SMOC1: variants seen among roughly 807,000 people sequenced by gnomAD.
SMOC1 encodes the protein SPARC related modular calcium binding 1, also known as SPARC-related modular calcium-binding protein 1.
Under a neutral mutation model 56.3 loss-of-function variants are expected in SMOC1, and 22 were observed. The observed-to-expected ratio is 0.39, with a 90% CI of 0.28 to 0.56. The LOEUF (loss-of-function observed/expected upper bound fraction) is 0.56, where lower values mean the gene tolerates loss of function less well. Among genes scored for constraint, SMOC1 ranks in the 20% least tolerant of loss-of-function variants. The probability of loss-of-function intolerance (pLI) is 0.61; values close to 1 mark genes in which losing one functional copy is unlikely to be tolerated. For synonymous variants in SMOC1, 193 were observed against 215.0 expected, an observed-to-expected ratio of 0.90 and a Z score of 0.89; for missense variants, 509 against 565.4, an observed-to-expected ratio of 0.90 and a Z score of 1.01.
chr14:69,884,201 C>T (rs374833903), intron 1 of SMOC1, among the ~76,000 whole-genome samples: 8 of 152,296 alleles, frequency 5.3e-5, no homozygotes, highest in South Asian at 4.1e-4. Flanking sequence ...CCACCGCGCC[C>T]GGCCGAGCAT....
At chr14:69,880,422 G>A (rs570722401) in intron 1 of SMOC1, among the ~76,000 whole-genome samples, 26 of 152,232 alleles carry the variant, frequency 1.7e-4, no homozygotes, top group Admixed American at 9.8e-4. Flanking sequence ...AGTGCTGGGA[G>A]GTTGAATTAC....
chr14:69,914,865 TATTC>T (rs10699853), intron 1 of SMOC1, among the ~76,000 whole-genome samples: 2,890 of 149,400 alleles, frequency 0.019, 77 homozygotes, highest in African/African-American at 0.059. Flanking sequence ...TAATTTATTT[TATTC>T]ATTCATTCAT....
At chr14:69,884,224 C>G (rs1192312233) in intron 1 of SMOC1, among the ~76,000 whole-genome samples, 3 of 152,158 alleles carry the variant, frequency 2.0e-5, no homozygotes, top group Admixed American at 6.5e-5. Flanking sequence ...TTAAATATAC[C>G]TATTGCCCAT....
At chr14:69,987,758 G>T (rs1265282929) in intron 5 of SMOC1, among the ~76,000 whole-genome samples, 1 of 152,222 alleles carries the variant, frequency 6.6e-6, no homozygotes, top group Non-Finnish European at 1.5e-5. Context: ...GCCAAACAGA[G>T]GAGGCTTTGA....
At chr14:69,984,268 T>G (rs999145664) in intron 5 of SMOC1, among the ~76,000 whole-genome samples, 1 of 152,196 alleles carries the variant, frequency 6.6e-6, no homozygotes, top group Non-Finnish European at 1.5e-5. Context: ...AGACCTGATA[T>G]GAAAATGAAT....
intron 5 of SMOC1, among the ~76,000 whole-genome samples, chr14:69,978,663 A>T (rs1884064088): frequency 6.6e-6 from 1 of 152,218 alleles, no homozygotes; most frequent in Non-Finnish European, 1.5e-5. Flanking sequence ...AATACTAAGT[A>T]GCAAATTAAA....
chr14:69,986,271 T>A (rs1323080569), intron 5 of SMOC1, among the ~76,000 whole-genome samples: 1 of 152,038 alleles, frequency 6.6e-6, no homozygotes, highest in Non-Finnish European at 1.5e-5. Context: ...GGAGGGAAAG[T>A]GTGACAGTAA....
At chr14:69,914,048 C>G (rs571838555) in intron 1 of SMOC1, among the ~76,000 whole-genome samples, 1 of 152,286 alleles carries the variant, frequency 6.6e-6, no homozygotes, top group East Asian at 1.9e-4. Flanking sequence ...GGTCACTAGA[C>G]CAGCAGCATC....
chr14:69,909,409 A>G (rs1372722173), intron 1 of SMOC1, among the ~76,000 whole-genome samples: 3 of 152,004 alleles, frequency 2.0e-5, no homozygotes, highest in Non-Finnish European at 4.4e-5. Context: ...AAGCAAATAC[A>G]TTTCCTCTGA....
At position 69,998,214 on chromosome 14, in the gene SMOC1, A is replaced by G. The variant is rs1884840976; in HGVS notation, c.664+3734A>G. ...TGAGTAATTGGCAGGTTCAGCATTG[A>G]CAGATTTGCTTCTTTGCTCTTCTCT... On this transcript the variant is annotated intron_variant, in intron 7 of 11. Coordinates refer to ENST00000361956, the MANE Select transcript of SMOC1 (RefSeq NM_001034852.3). Among the ~76,000 whole-genome samples the G allele has an allele frequency of 3.9e-5, 6 of 152,162 alleles. No homozygotes were observed. The South Asian group carries it at 1.2e-3, about 32-fold the overall frequency.
At chr14:69,985,952 A>C (rs1481536638) in intron 5 of SMOC1, among the ~76,000 whole-genome samples, 1 of 152,182 alleles carries the variant, frequency 6.6e-6, no homozygotes, top group East Asian at 1.9e-4. Flanking sequence ...AAAAAACAGG[A>C]TGTATAGGGT....
intron 7 of SMOC1, among the ~76,000 whole-genome samples, chr14:70,001,628 C>T (rs948006453): frequency 2.0e-5 from 3 of 152,104 alleles, no homozygotes; most frequent in African/African-American, 2.4e-5. Context: ...GTTGAGGAGA[C>T]GGGTCATTCA....
chr14:69,949,548 A>G (rs1882916776), intron 1 of SMOC1, among the ~76,000 whole-genome samples: 1 of 152,198 alleles, frequency 6.6e-6, no homozygotes, highest in East Asian at 1.9e-4. Context: ...AGGAAAAATG[A>G]AGTGTGAGAG....
chr14:69,885,995 C>G (rs1304858406), intron 1 of SMOC1: 2 of 1,588,152 alleles, frequency 1.3e-6, no homozygotes, highest in Non-Finnish European at 1.7e-6. Flanking sequence ...GGTGAGGTCT[C>G]TTTTGGGCTG....
At chr14:70,008,368 G>T (rs2139581599) in intron 7 of SMOC1, among the ~76,000 whole-genome samples, 1 of 152,292 alleles carries the variant, frequency 6.6e-6, no homozygotes, top group Admixed American at 6.5e-5. Flanking sequence ...TCAAACTCCT[G>T]GGGTAAGCAA....
At chr14:70,010,280 C>T (rs1263448450) in intron 7 of SMOC1, among the ~76,000 whole-genome samples, 7 of 152,230 alleles carry the variant, frequency 4.6e-5, no homozygotes, top group Admixed American at 6.5e-5. Flanking sequence ...CTGATGGCCA[C>T]GGCTCCATCA....
At chr14:69,950,585 G>A (rs1389864632) in intron 1 of SMOC1, among the ~76,000 whole-genome samples, 3 of 152,148 alleles carry the variant, frequency 2.0e-5, no homozygotes, top group East Asian at 1.9e-4. Context: ...ATTATTGTGG[G>A]ACATTCATTC....
chr14:69,976,852 A>T (rs1246712160), intron 4 of SMOC1, among the ~76,000 whole-genome samples: 1 of 152,260 alleles, frequency 6.6e-6, no homozygotes, highest in Non-Finnish European at 1.5e-5. Flanking sequence ...TCTTGCTATC[A>T]TAGCTTTTTC....
intron 5 of SMOC1, among the ~76,000 whole-genome samples, chr14:69,989,430 T>C (rs1884484947): frequency 6.6e-6 from 1 of 152,222 alleles, no homozygotes; most frequent in Non-Finnish European, 1.5e-5. Context: ...ATTTAAAAAC[T>C]TTGATAGGAT....
Sources: allele counts gnomAD v4.1 joint callset (sites outside exome capture counted in the v4.1 genomes callset), GRCh38; gene constraint gnomAD v4.1.1; transcripts MANE v1.5; gene names NCBI Gene and HGNC (gene_info 2026-07-23, HGNC 2026-07-21).